Variants in CHN1 observed in about 807,000 individuals in gnomAD.
CHN1 encodes N-chimaerin.
Under a neutral mutation model 59.5 loss-of-function variants are expected in CHN1, and 37 were observed. That is an observed-to-expected ratio of 0.62 (90% CI 0.48 to 0.82). The LOEUF is 0.82. Ranked by LOEUF, CHN1 falls within the 40% of genes least tolerant of loss-of-function variation. CHN1 has a pLI of 0.00. For synonymous variants in CHN1, 206 were observed against 200.4 expected (o/e 1.03, Z -0.24); for missense variants, 469 against 571.0 (o/e 0.82, Z 1.82).
Position 174,962,663 on chromosome 2 carries a change from CGGGGGGGGGGGG to C in CHN1, c.20-10473_20-10462del, listed in dbSNP as rs539001023. On this transcript the variant is annotated intron_variant, in intron 1 of 12. Coordinates refer to ENST00000409900, the MANE Select transcript of CHN1 (RefSeq NM_001822.7). ...TGCAATCCCAGCACTTTGGAAGGCCCGGGGGGGGGGGGGGGGGGGGCAGATCACCTGAGGTCA... is the reference window on the plus strand; with the variant it reads ...TGCAATCCCAGCACTTTGGAAGGCCCGGGGGGGGCAGATCACCTGAGGTCA... Among the ~76,000 whole-genome samples the C allele has an allele frequency of 1.7e-4, 3 of 18,048 alleles. 1 individual carries two copies. The highest frequency in any genetic ancestry group is 3.4e-4 in the African/African-American group (3 of 8,808). 11.8% of individuals were successfully genotyped at this position (18,048 alleles called of 152,430 possible). A position where few individuals can be genotyped will look rare whatever the true frequency, so the allele number is the denominator to read the frequency against.
chr2:174,934,216 G>A (rs1574183275), intron 3 of CHN1, among the ~76,000 whole-genome samples: 1 of 152,158 alleles, frequency 6.6e-6, no homozygotes, highest in African/African-American at 2.4e-5. Context: ...ATCAGTGGGA[G>A]CCCTGAGCTT....
At chr2:174,831,508 C>G (rs542819250) in intron 7 of CHN1, among the ~76,000 whole-genome samples, 60 of 152,214 alleles carry the variant, frequency 3.9e-4, no homozygotes, top group Non-Finnish European at 6.9e-4. Context: ...GTGGAAATAT[C>G]AAAGTTCTCA....
At chr2:174,862,391 G>C (rs1031918168) in intron 6 of CHN1, among the ~76,000 whole-genome samples, 1 of 150,344 alleles carries the variant, frequency 6.7e-6, no homozygotes, top group African/African-American at 2.5e-5. Flanking sequence ...GGAGTACAGT[G>C]GCGCAATCTT....
chr2:174,999,459 TG>T (rs1691814295), intron 1 of CHN1, among the ~76,000 whole-genome samples: 2 of 152,218 alleles, frequency 1.3e-5, no homozygotes, highest in South Asian at 4.1e-4. Flanking sequence ...AGGTACTCTT[TG>T]TCATGGCTGC....
chr2:174,905,020 G>C (rs1574148376), intron 5 of CHN1, among the ~76,000 whole-genome samples: 1 of 152,172 alleles, frequency 6.6e-6, no homozygotes, highest in East Asian at 1.9e-4. Context: ...AAAAGTTTGG[G>C]TTATCTAAAA....
chr2:174,972,235 CAA>C (rs1478912849), intron 1 of CHN1, among the ~76,000 whole-genome samples: 1 of 152,014 alleles, frequency 6.6e-6, no homozygotes, highest in Non-Finnish European at 1.5e-5. Context: ...TTCCCGTGTC[CAA>C]AAAGAGTTGT....
rs566357518 is a variant in CHN1, at chr2:174,805,676, G to A, written c.1102+3229C>T. 3.1e-4 allele frequency among the ~76,000 whole-genome samples: 47 copies of A among 152,314 alleles called. No individual in the cohort carries two copies. In the South Asian group the frequency reaches 8.3e-3, roughly 27 times the overall value. On this transcript the variant is annotated intron_variant, in intron 11 of 12. Coordinates refer to ENST00000409900, the MANE Select transcript of CHN1 (RefSeq NM_001822.7). ...GATCTGGAAAATGTGAACATTGTCCGAGAAGGAAATAAAGACTCTAAGCCC... is the reference window on the plus strand; with the variant it reads ...GATCTGGAAAATGTGAACATTGTCCAAGAAGGAAATAAAGACTCTAAGCCC...
intron 1 of CHN1, among the ~76,000 whole-genome samples, chr2:174,982,823 CTTTT>C (rs199978122): frequency 2.6e-5 from 4 of 151,984 alleles, no homozygotes; most frequent in African/African-American, 9.7e-5. Flanking sequence ...ATATTGTGTT[CTTTT>C]TTTAATTTAA....
chr2:174,880,907 G>A (rs530592288), intron 5 of CHN1, among the ~76,000 whole-genome samples: 3 of 152,160 alleles, frequency 2.0e-5, no homozygotes, highest in African/African-American at 2.4e-5. Flanking sequence ...TTAGCTGGGC[G>A]TGGTAGCGCA....
At chr2:174,947,985 T>C (rs1293719823) in intron 2 of CHN1, among the ~76,000 whole-genome samples, 1 of 152,160 alleles carries the variant, frequency 6.6e-6, no homozygotes, top group African/African-American at 2.4e-5. Context: ...AATTAATAGC[T>C]AAATTCAAGA....
chr2:174,847,557 AT>A (rs1368715117), intron 6 of CHN1: 7 of 1,262,002 alleles, frequency 5.5e-6, no homozygotes, highest in Non-Finnish European at 7.1e-6. Flanking sequence ...ACTGCCTGCA[AT>A]CAGTTTCTAG....
intron 1 of CHN1, among the ~76,000 whole-genome samples, chr2:174,989,553 C>T (rs1216222080): frequency 2.0e-5 from 3 of 151,682 alleles, no homozygotes; most frequent in Non-Finnish European, 4.4e-5. Flanking sequence ...GAAGGTTCCT[C>T]CTAAGGTGGG....
In CHN1 at chr2:174,853,562, G is replaced by A. The variant is rs77923190; in HGVS notation, c.550-6605C>T. On this transcript the variant is annotated intron_variant, in intron 6 of 12. Transcript: ENST00000409900. The stretch of plus-strand genomic sequence containing the variant: ...GGGATTTCCCAAATAATTTAAAACA[G>A]AACTACCATTCGACCCAGCAATCCC... Among the ~76,000 whole-genome samples the A allele has an allele frequency of 2.0e-3, 307 of 152,248 alleles. 4 individuals are homozygous for A. The highest frequency in any genetic ancestry group is 7.1e-3 in the African/African-American group (293 of 41,536).
At chr2:174,834,025 C>G (rs542397888) in intron 7 of CHN1, among the ~76,000 whole-genome samples, 1 of 152,272 alleles carries the variant, frequency 6.6e-6, no homozygotes, top group African/African-American at 2.4e-5. Flanking sequence ...AGGCTAGTCT[C>G]AAACCCCAGG....
At chr2:174,962,500 C>T (rs553510606) in intron 1 of CHN1, among the ~76,000 whole-genome samples, 29 of 152,176 alleles carry the variant, frequency 1.9e-4, no homozygotes, top group South Asian at 1.7e-3. Flanking sequence ...TCAGAAAATC[C>T]GCCCAGACCC....
At chr2:174,820,618 G>C (rs377366020) in intron 8 of CHN1, among the ~76,000 whole-genome samples, 2 of 152,194 alleles carry the variant, frequency 1.3e-5, no homozygotes, top group African/African-American at 4.8e-5. Context: ...CTTGCACTGC[G>C]TGGTTTTGAA....
intron 6 of CHN1, among the ~76,000 whole-genome samples, chr2:174,858,979 T>C (rs1354140181): frequency 7.0e-6 from 1 of 142,404 alleles, no homozygotes; most frequent in Non-Finnish European, 1.5e-5. Context: ...TTTCCTCCTC[T>C]ACACACACAC....
intron 1 of CHN1, among the ~76,000 whole-genome samples, chr2:174,958,236 CTG>C (rs1558998075): frequency 6.6e-6 from 1 of 152,130 alleles, no homozygotes; most frequent in Admixed American, 6.5e-5. Flanking sequence ...AATGGAAACT[CTG>C]TGTTTTGCAT....
At chr2:174,989,324 T>C (rs1691462432) in intron 1 of CHN1, among the ~76,000 whole-genome samples, 1 of 151,826 alleles carries the variant, frequency 6.6e-6, no homozygotes, top group African/African-American at 2.4e-5. Flanking sequence ...TGCAGTGAGC[T>C]GAGATGGCAC....
Sources: allele counts gnomAD v4.1 joint callset (sites outside exome capture counted in the v4.1 genomes callset), GRCh38; gene constraint gnomAD v4.1.1; transcripts MANE v1.5; gene names NCBI Gene and HGNC (gene_info 2026-07-23, HGNC 2026-07-21).